The following ST14 variants were observed in gnomAD, a reference collection of about 807,000 sequenced individuals.
ST14 encodes the protein suppressor of tumorigenicity 14 protein.
In ST14, 40 loss-of-function variants were observed where a neutral mutation model predicts 96.5. That is an observed-to-expected ratio of 0.41 (90% CI 0.32 to 0.54). The LOEUF (loss-of-function observed/expected upper bound fraction) is 0.54, where lower values mean the gene tolerates loss of function less well. Ranked by LOEUF, ST14 falls within the 20% of genes least tolerant of loss-of-function variation. The pLI, the probability that ST14 is intolerant of heterozygous loss-of-function variation, is 0.17. For missense variants in ST14, 1,066 were observed against 1,188.9 expected (o/e 0.90, Z 1.52); for synonymous variants, 506 against 492.1 (o/e 1.03, Z -0.37).
intron 1 of ST14, among the ~76,000 whole-genome samples, chr11:130,175,650 G>A (rs1304792790): frequency 6.7e-6 from 1 of 148,568 alleles, no homozygotes; most frequent in Non-Finnish European, 1.5e-5. Flanking sequence ...CAAAATGCTG[G>A]TGGGATTACA....
chr11:130,167,308 TC>T (rs1464910791), intron 1 of ST14, among the ~76,000 whole-genome samples: 2 of 152,248 alleles, frequency 1.3e-5, no homozygotes, highest in Non-Finnish European at 2.9e-5. Flanking sequence ...AAAATTTTTT[TC>T]CTCATTACCA....
intron 1 of ST14, among the ~76,000 whole-genome samples, chr11:130,164,275 G>A (rs1283121198): frequency 6.6e-6 from 1 of 152,156 alleles, no homozygotes; most frequent in African/African-American, 2.4e-5. Flanking sequence ...GAGCATGGCT[G>A]GCTGCTTGTC....
At chr11:130,184,204 A>C (rs568792861) in intron 1 of ST14, among the ~76,000 whole-genome samples, 1 of 152,348 alleles carries the variant, frequency 6.6e-6, no homozygotes, top group African/African-American at 2.4e-5. Flanking sequence ...GGATGGTTTC[A>C]TGGGTGCATA....
chr11:130,171,175 A>G (rs1043137659), intron 1 of ST14, among the ~76,000 whole-genome samples: 18 of 152,302 alleles, frequency 1.2e-4, no homozygotes, highest in Admixed American at 5.9e-4. Flanking sequence ...AATGTGTACA[A>G]CCTGATGAGT....
intron 1 of ST14, among the ~76,000 whole-genome samples, chr11:130,179,888 G>C (rs1318117020): frequency 2.6e-5 from 4 of 152,216 alleles, no homozygotes; most frequent in Non-Finnish European, 4.4e-5. Context: ...CGGCCACGAG[G>C]TTGTGCTGGC....
chr11:130,185,014 A>G (rs1481508277), intron 1 of ST14, among the ~76,000 whole-genome samples: 1 of 152,238 alleles, frequency 6.6e-6, no homozygotes. Context: ...GTGGCAAGGC[A>G]TGCACACAGA....
intron 1 of ST14, among the ~76,000 whole-genome samples, chr11:130,180,761 C>G (rs756807720): frequency 1.3e-5 from 2 of 152,214 alleles, no homozygotes; most frequent in South Asian, 4.1e-4. Flanking sequence ...TGGGAGTAGG[C>G]TGGCTGCAAG....
intron 1 of ST14, among the ~76,000 whole-genome samples, chr11:130,179,640 T>C (rs1304939447): frequency 1.3e-5 from 2 of 152,186 alleles, no homozygotes; most frequent in Non-Finnish European, 2.9e-5. Flanking sequence ...AGGGCCTGTC[T>C]ATGTGGGGTC....
In ST14 at chr11:130,190,622, G is replaced by A. The variant is rs766129454; in HGVS notation, c.803G>A (p.Cys268Tyr). Reference protein sequence around the residue: ...LTFRSFDLASCDERGSDLVTV... With the variant: ...LTFRSFDLASYDERGSDLVTV... ...TTCCGCAGCTTTGACCTTGCGTCCT[G>A]CGACGAGCGCGGCAGCGACCTGGTG... Residue 268 changes from cysteine to tyrosine, a missense_variant, in exon 7 of 19, where the codon TGC becomes TAC. By Grantham distance (194) the Cys-to-Tyr change is radical. Coordinates refer to ENST00000278742, the MANE Select transcript of ST14 (RefSeq NM_021978.4). 2 of 1,612,084 alleles carry A rather than the reference G, an allele frequency of 1.2e-6. No homozygotes were observed. The highest frequency in any genetic ancestry group is 1.7e-6 in the Non-Finnish European group (2 of 1,179,442).
chr11:130,194,768 G>T, intron 9 of ST14, 31 bp downstream of exon 9: 1 of 1,605,364 alleles, frequency 6.2e-7, no homozygotes. Flanking sequence ...GAACGTGTGT[G>T]TGTGTGAGCA....
intron 7 of ST14, among the ~76,000 whole-genome samples, chr11:130,191,280 G>T (rs369347408): frequency 1.3e-5 from 2 of 151,896 alleles, no homozygotes; most frequent in East Asian, 1.9e-4. Context: ...TGCAGTGAGC[G>T]GTGATTGCAC....
chr11:130,209,381 T>C, intron 17 of ST14, 61 bp from the exon 18 acceptor site: 1 of 1,549,546 alleles, frequency 6.5e-7, no homozygotes, highest in East Asian at 2.4e-5. Flanking sequence ...GTGGGGAGCG[T>C]CTCGAATGAC....
In ST14 at chr11:130,161,034, A is replaced by G. The variant is rs543408990; in HGVS notation, c.81+974A>G. 7.6e-4 allele frequency among the ~76,000 whole-genome samples: 115 copies of G among 152,306 alleles called. 1 individual carries two copies. Among genetic ancestry groups the G allele is most frequent in the African/African-American group, 2.7e-3 (113 of 41,578 alleles). On this transcript the variant is annotated intron_variant, in intron 1 of 18. Transcript: ENST00000278742. The stretch of plus-strand genomic sequence containing the variant: ...CTCCTTCCGGGTGCCCCTGGGCTCC[A>G]TAGTCTCCGCCGTTGCTCCCTAAGT...
At chr11:130,164,493 C>G (rs532701713) in intron 1 of ST14, among the ~76,000 whole-genome samples, 2 of 151,526 alleles carry the variant, frequency 1.3e-5, no homozygotes, top group South Asian at 2.1e-4. Flanking sequence ...AATCATGGCT[C>G]ACTGCCACTT....
Position 130,188,617 on chromosome 11 carries a change from C to G in ST14, c.329C>G (p.Ser110Cys), listed in dbSNP as rs1156374465. 1 of 1,614,210 alleles carries G rather than the reference C, an allele frequency of 6.2e-7. No homozygotes were observed. Reference protein sequence around the residue: ...NFVDAYENSNSTEFVSLASKV... With the variant: ...NFVDAYENSNCTEFVSLASKV... The stretch of plus-strand genomic sequence containing the variant: ...GTGGATGCCTACGAGAACTCCAACT[C>G]CACTGAGTTTGTAAGCCTGGCCAGC... The change falls in exon 3 of 19, where the codon TCC becomes TGC. Residue 110 changes from serine (S) to cysteine (C), a missense_variant. Transcript: ENST00000278742. The surrounding 1 kb of genome is among the most constrained non-coding windows in gnomAD (Gnocchi z 5.4).
At chr11:130,199,160 A>G in intron 15 of ST14, 91 bp downstream of exon 15, 1 of 1,363,126 alleles carries the variant, frequency 7.3e-7, no homozygotes, top group Non-Finnish European at 1.0e-6. Context: ...TCCCGCCAGC[A>G]CCTCACTTAG....
intron 8 of ST14, 124 bp downstream of exon 8, chr11:130,194,412 T>C: frequency 7.0e-7 from 1 of 1,419,426 alleles, no homozygotes; most frequent in Non-Finnish European, 9.7e-7. Context: ...CTGGCCTAGG[T>C]CAGCAGCAGA....
At chr11:130,195,581 G>T (rs7117952) in intron 9 of ST14, among the ~76,000 whole-genome samples, 3,723 of 152,270 alleles carry the variant, frequency 0.024, 60 homozygotes, top group Middle Eastern at 0.034. Context: ...AGGGCCGGGC[G>T]CAGTGGCTCA....
rs1953193987 is a variant in ST14, at chr11:130,181,610, T to A, written c.82-6504T>A. On this transcript the variant is annotated intron_variant, in intron 1 of 18. Coordinates refer to ENST00000278742, the MANE Select transcript of ST14 (RefSeq NM_021978.4). The surrounding 1 kb of genome is among the most constrained non-coding windows in gnomAD (Gnocchi z 4.1). ...TGTTATGCCTACAGTTGTCTAAGTGTCTAAGTGGATGGGAGTTCCCTGAGA... is the reference window on the plus strand; with the variant it reads ...TGTTATGCCTACAGTTGTCTAAGTGACTAAGTGGATGGGAGTTCCCTGAGA... Among the ~76,000 whole-genome samples, 1 of 152,148 alleles carries A rather than the reference T, an allele frequency of 6.6e-6. No homozygotes were observed. Among genetic ancestry groups the A allele is most frequent in the Non-Finnish European group, 1.5e-5 (1 of 68,028 alleles).
Sources: gnomAD v4.1 joint callset for allele counts (sites outside exome capture counted in the v4.1 genomes callset) on GRCh38, gnomAD v4.1.1 for gene constraint, Gnocchi (gnomAD v3.1) non-coding constraint, MANE v1.5 for transcripts, NCBI Gene and HGNC (gene_info 2026-07-23, HGNC 2026-07-21) for gene names.